CHST11: variants seen among roughly 807,000 people sequenced by gnomAD.
CHST11 encodes the protein carbohydrate sulfotransferase 11.
In CHST11, 9 loss-of-function variants were observed where a neutral mutation model predicts 30.4. The ratio of observed to expected loss-of-function variants is 0.30; its 90% CI spans 0.18 to 0.52. CHST11 has a LOEUF of 0.52. CHST11 is among the 20% of genes least tolerant of loss of function. The pLI is 0.97. For synonymous variants in CHST11, 152 were observed against 187.8 expected (o/e 0.81, Z 1.56); for missense variants, 348 against 460.6 (o/e 0.76, Z 2.24).
intron 2 of CHST11, among the ~76,000 whole-genome samples, chr12:104,721,790 T>G (rs2040179597): frequency 6.6e-6 from 1 of 152,224 alleles, no homozygotes; most frequent in Non-Finnish European, 1.5e-5. Flanking sequence ...GAAGATATTG[T>G]ATAATTTTCA....
At chr12:104,643,272 G>A (rs139367686) in intron 2 of CHST11, among the ~76,000 whole-genome samples, 84 of 152,340 alleles carry the variant, frequency 5.5e-4, no homozygotes, top group African/African-American at 1.9e-3. Flanking sequence ...AGGCTGTAGT[G>A]AGCTATGATT....
chr12:104,537,907 G>T (rs919660561), intron 1 of CHST11, among the ~76,000 whole-genome samples: 1 of 151,940 alleles, frequency 6.6e-6, no homozygotes, highest in African/African-American at 2.4e-5. Context: ...TGTTGCCTAG[G>T]CTGCTTTTGA....
intron 1 of CHST11, among the ~76,000 whole-genome samples, chr12:104,547,004 T>C (rs982787336): frequency 1.3e-5 from 2 of 152,228 alleles, no homozygotes; most frequent in African/African-American, 4.8e-5. Context: ...AGGGGAGAAC[T>C]CACTTTTTCT....
chr12:104,741,444 G>A (rs571785210), intron 2 of CHST11, among the ~76,000 whole-genome samples: 192 of 152,336 alleles, frequency 1.3e-3, no homozygotes, highest in African/African-American at 4.2e-3. Flanking sequence ...TGGAGAAATC[G>A]GGTATTGTTA....
intron 2 of CHST11, among the ~76,000 whole-genome samples, chr12:104,701,090 A>G (rs1015396113): frequency 6.6e-6 from 1 of 152,184 alleles, no homozygotes; most frequent in Non-Finnish European, 1.5e-5. Flanking sequence ...GATGCCTGCC[A>G]TAGTCCAGTC....
Position 104,600,868 on chromosome 12 carries a change from T to C in CHST11, c.119-1038T>C, listed in dbSNP as rs1213309022. Among the ~76,000 whole-genome samples, 1 of 151,086 alleles carries C rather than the reference T, an allele frequency of 6.6e-6. No homozygotes were observed. Among genetic ancestry groups the C allele is most frequent in the African/African-American group, 2.4e-5 (1 of 41,202 alleles). On this transcript the variant is annotated intron_variant, in intron 1 of 2. Transcript: ENST00000303694. This position sits in a 1 kb window ranked among gnomAD's most constrained non-coding sequence, Gnocchi z 4.1. ...CTCTCTTTTTTCCCTCTCTCCTTCT[T>C]TCCTTTCTTCCTTCCCTCCCTTCTT...
intron 1 of CHST11, among the ~76,000 whole-genome samples, chr12:104,585,159 C>T (rs186247577): frequency 2.6e-5 from 4 of 152,296 alleles, no homozygotes; most frequent in African/African-American, 7.2e-5. Flanking sequence ...GGGGAGAGAT[C>T]GTCTTTCCAG....
At chr12:104,586,204 C>G (rs1053739145) in intron 1 of CHST11, among the ~76,000 whole-genome samples, 2 of 152,172 alleles carry the variant, frequency 1.3e-5, no homozygotes, top group East Asian at 3.9e-4. Flanking sequence ...ATAGCCAGGA[C>G]CTGTTCCTGC....
At chr12:104,690,591 C>T (rs1042874401) in intron 2 of CHST11, among the ~76,000 whole-genome samples, 2 of 152,056 alleles carry the variant, frequency 1.3e-5, no homozygotes, top group Non-Finnish European at 2.9e-5. Context: ...TTTGGGAGGC[C>T]GAGGAGGGTG....
intron 2 of CHST11, among the ~76,000 whole-genome samples, chr12:104,640,197 A>G (rs775786527): frequency 2.0e-5 from 3 of 152,224 alleles, no homozygotes; most frequent in Non-Finnish European, 4.4e-5. Flanking sequence ...ACATCCTCTT[A>G]TCATGTGATC....
chr12:104,640,343 G>A (rs2136074232), intron 2 of CHST11, among the ~76,000 whole-genome samples: 1 of 152,252 alleles, frequency 6.6e-6, no homozygotes, highest in East Asian at 1.9e-4. Context: ...CCTTATACAG[G>A]TGAAGGGATA....
intron 2 of CHST11, among the ~76,000 whole-genome samples, chr12:104,668,792 A>C (rs567809144): frequency 3.3e-5 from 5 of 152,218 alleles, no homozygotes; most frequent in Non-Finnish European, 7.3e-5. Flanking sequence ...TCTGATAGTC[A>C]CAGCCCTCAG....
chr12:104,614,738 G>A (rs1461590008), intron 2 of CHST11, among the ~76,000 whole-genome samples: 1 of 151,646 alleles, frequency 6.6e-6, no homozygotes, highest in East Asian at 1.9e-4. Context: ...CATCCCGACA[G>A]AGCAAAGACA....
At chr12:104,487,871 C>A (rs1471372528) in intron 1 of CHST11, among the ~76,000 whole-genome samples, 5 of 150,326 alleles carry the variant, frequency 3.3e-5, no homozygotes, top group Non-Finnish European at 5.9e-5. Flanking sequence ...TTTTTTTTCA[C>A]AAGGAGATAC....
At chr12:104,693,244 G>A (rs1324317108) in intron 2 of CHST11, among the ~76,000 whole-genome samples, 8 of 152,182 alleles carry the variant, frequency 5.3e-5, no homozygotes, top group Admixed American at 1.3e-4. Context: ...TGAAGTGCTG[G>A]GGGCTAAGAC....
chr12:104,646,161 A>G (rs1253653799), intron 2 of CHST11, among the ~76,000 whole-genome samples: 1 of 151,534 alleles, frequency 6.6e-6, no homozygotes, highest in Admixed American at 6.6e-5. Context: ...TCCACTTTCC[A>G]GGGCCCTGCG....
chr12:104,515,121 T>G (rs1316929155), intron 1 of CHST11, among the ~76,000 whole-genome samples: 3 of 152,078 alleles, frequency 2.0e-5, no homozygotes, highest in Admixed American at 6.5e-5. Context: ...CTTAAAATGG[T>G]TGGGAAAAAA....
Position 104,760,427 on chromosome 12 carries a change from G to C in CHST11, c.*2624G>C, listed in dbSNP as rs992295674. 2 of 152,322 alleles carry C rather than the reference G, an allele frequency of 1.3e-5. No individual in the cohort carries two copies. Among genetic ancestry groups the C allele is most frequent in the African/African-American group, 4.8e-5 (2 of 41,450 alleles). 9.4% of individuals were successfully genotyped at this position (152,322 alleles called of 1,614,324 possible). ...GGTGGTGTGGACAGAAGGAAGAGAG[G>C]AGAGGGTGAGTGGGGTATAGGGCCC... On this transcript the variant is annotated 3_prime_UTR_variant, in exon 3 of 3. Transcript: ENST00000303694.
intron 2 of CHST11, among the ~76,000 whole-genome samples, chr12:104,691,787 C>T (rs944586654): frequency 6.6e-6 from 1 of 152,188 alleles, no homozygotes; most frequent in Non-Finnish European, 1.5e-5. Flanking sequence ...CGCCCCCAGC[C>T]TAGAGGCACA....
Sources: gnomAD v4.1 joint callset for allele counts (sites outside exome capture counted in the v4.1 genomes callset) on GRCh38, gnomAD v4.1.1 for gene constraint, Gnocchi (gnomAD v3.1) non-coding constraint, MANE v1.5 for transcripts, NCBI Gene and HGNC (gene_info 2026-07-23, HGNC 2026-07-21) for gene names.